Variants in FAM178B observed in about 807,000 individuals in gnomAD.
FAM178B encodes protein FAM178B.
Under a neutral mutation model 91.7 loss-of-function variants are expected in FAM178B, and 82 were observed. That is an observed-to-expected ratio of 0.89 (90% CI 0.75 to 1.07). The LOEUF is 1.07. Ranked by LOEUF, FAM178B falls within the 50% of genes least tolerant of loss-of-function variation. The pLI, the probability that FAM178B is intolerant of heterozygous loss-of-function variation, is 0.00. For missense variants in FAM178B, 769 were observed against 846.7 expected (o/e 0.91, Z 1.14); for synonymous variants, 368 against 359.4 (o/e 1.02, Z -0.27).
At chr2:96,880,394 G>T (rs572262246) in intron 14 of FAM178B, among the ~76,000 whole-genome samples, 1 of 152,254 alleles carries the variant, frequency 6.6e-6, no homozygotes, top group Admixed American at 6.5e-5. Context: ...AGAGTTGTGG[G>T]AACAGGCTGG....
At chr2:96,886,367 T>C (rs2080520457) in intron 14 of FAM178B, among the ~76,000 whole-genome samples, 1 of 152,188 alleles carries the variant, frequency 6.6e-6, no homozygotes, top group African/African-American at 2.4e-5. Context: ...CTGGTTACGA[T>C]TCGAGGGCCG....
At chr2:96,986,207 C>T (rs1365097832) in intron 1 of FAM178B, 34 bp downstream of exon 1, 10 of 1,533,922 alleles carry the variant, frequency 6.5e-6, no homozygotes, top group African/African-American at 5.5e-5. Context: ...GCTAACCACG[C>T]GCCCCTGCGG....
At position 96,912,112 on chromosome 2, in the gene FAM178B, G is replaced by A. The variant is rs551309970; in HGVS notation, c.1562+9053C>T. On this transcript the variant is annotated intron_variant, in intron 12 of 16. Coordinates refer to ENST00000490605, the MANE Select transcript of FAM178B (RefSeq NM_001122646.3). ...AGAGGATGCAGGGAATTTATGCGGG[G>A]AGAGACAAAGGAAACCAGGCTGCCA... Among the ~76,000 whole-genome samples the A allele has an allele frequency of 3.3e-5, 5 of 152,224 alleles. No homozygotes were observed. In the East Asian group the frequency reaches 9.7e-4, roughly 30 times the overall value.
chr2:96,934,332 G>A (rs1175596120), intron 8 of FAM178B, among the ~76,000 whole-genome samples: 1 of 152,212 alleles, frequency 6.6e-6, no homozygotes, highest in Non-Finnish European at 1.5e-5. Context: ...GTTGAGCAAG[G>A]AGCCCAGGGT....
intron 1 of FAM178B, among the ~76,000 whole-genome samples, chr2:96,982,407 C>CGTG (rs1374405910): frequency 6.6e-6 from 1 of 152,014 alleles, no homozygotes. Flanking sequence ...GGACGACAGG[C>CGTG]GTGCACCACC....
At chr2:96,936,887 C>T (rs1004329261) in intron 8 of FAM178B, among the ~76,000 whole-genome samples, 2 of 151,918 alleles carry the variant, frequency 1.3e-5, no homozygotes, top group South Asian at 2.1e-4. Flanking sequence ...ACAGCAGACC[C>T]GGCACTGGAA....
At chr2:96,909,326 T>C (rs1450988854) in intron 12 of FAM178B, among the ~76,000 whole-genome samples, 4 of 152,166 alleles carry the variant, frequency 2.6e-5, no homozygotes, top group African/African-American at 9.6e-5. Context: ...CCAAAGGAAA[T>C]CGTTCCCATA....
chr2:96,951,518 T>C, intron 6 of FAM178B, 34 bp from the exon 7 acceptor site: 1 of 1,499,774 alleles, frequency 6.7e-7, no homozygotes, highest in East Asian at 2.5e-5. Context: ...AGGGGAGGCC[T>C]CTGTGCCAGC....
At chr2:96,962,721 G>T (rs995020432) in intron 5 of FAM178B, among the ~76,000 whole-genome samples, 7 of 152,326 alleles carry the variant, frequency 4.6e-5, no homozygotes, top group Non-Finnish European at 1.0e-4. Context: ...AAGAAATGGA[G>T]AATTGAGGAT....
intron 8 of FAM178B, among the ~76,000 whole-genome samples, chr2:96,937,801 A>G (rs577255637): frequency 6.6e-6 from 1 of 152,310 alleles, no homozygotes; most frequent in South Asian, 2.1e-4. Flanking sequence ...CCAGGCAGGC[A>G]GATCGCTTGA....
At chr2:96,913,902 G>C (rs777837647) in intron 12 of FAM178B, among the ~76,000 whole-genome samples, 2 of 152,208 alleles carry the variant, frequency 1.3e-5, no homozygotes, top group African/African-American at 4.8e-5. Flanking sequence ...CCTGACTCCC[G>C]GCTTCTGTGC....
At chr2:96,939,158 A>G (rs60019075) in intron 8 of FAM178B, 31,253 of 150,968 alleles carry the variant, frequency 0.21, 5,602 homozygotes, top group African/African-American at 0.48. Context: ...AGCCAAGATC[A>G]TGCCACTGCG....
In FAM178B at chr2:96,933,894, G is replaced by A. The variant is rs574734096; in HGVS notation, c.1079-4574C>T. Among the ~76,000 whole-genome samples the A allele has an allele frequency of 3.9e-5, 6 of 152,210 alleles. 1 individual carries two copies. The South Asian group carries it at 6.2e-4, about 16-fold the overall frequency. On this transcript the variant is annotated intron_variant, in intron 8 of 16. Transcript: ENST00000490605. ...CTGAGTCCGATCTTAACTGGAGTGC[G>A]GGGCTCACAATGTTTACGGGAGGCT...
chr2:96,923,812 G>A (rs965816540), intron 9 of FAM178B, among the ~76,000 whole-genome samples: 2 of 152,208 alleles, frequency 1.3e-5, no homozygotes, highest in Admixed American at 6.5e-5. Flanking sequence ...GATGTTGGGT[G>A]GGGCTGCGGT....
intron 13 of FAM178B, among the ~76,000 whole-genome samples, chr2:96,896,117 G>GT (rs1299941936): frequency 6.6e-6 from 1 of 152,308 alleles, no homozygotes; most frequent in East Asian, 1.9e-4. Flanking sequence ...GCAAGCATAG[G>GT]GTCAGGCTCT....
rs560387627 is a variant in FAM178B at position 96,957,148 on chromosome 2, C to T, written c.887+3140G>A. On this transcript the variant is annotated intron_variant, in intron 6 of 16. Coordinates refer to ENST00000490605, the MANE Select transcript of FAM178B (RefSeq NM_001122646.3). ...ATTATAGGCATGAGCCACCATGCCCCGGCTGACTGCTTCTTAAGAGATCCC... is the reference window on the plus strand; with the variant it reads ...ATTATAGGCATGAGCCACCATGCCCTGGCTGACTGCTTCTTAAGAGATCCC... 5.9e-5 allele frequency among the ~76,000 whole-genome samples: 9 copies of T among 152,262 alleles called. No homozygotes were observed. In the South Asian group the frequency reaches 8.3e-4, roughly 14 times the overall value.
rs376378690 is a variant in FAM178B at position 96,932,536 on chromosome 2, C to A, written c.1079-3216G>T. On this transcript the variant is annotated intron_variant, in intron 8 of 16. Coordinates refer to ENST00000490605, the MANE Select transcript of FAM178B (RefSeq NM_001122646.3). ...TTCTGGAGAGCTGACACAGAGGAAA[C>A]TCAGATGTCAGGCTGCCAGGCTCCA... is the stretch of plus-strand genomic sequence containing the variant. Among the ~76,000 whole-genome samples, 46 of 152,336 alleles carry A rather than the reference C, an allele frequency of 3.0e-4. No homozygotes were observed. The East Asian group carries it at 7.9e-3, about 26-fold the overall frequency.
At chr2:96,966,916 A>C (rs759748763) in intron 5 of FAM178B, among the ~76,000 whole-genome samples, 2 of 152,158 alleles carry the variant, frequency 1.3e-5, no homozygotes, top group Non-Finnish European at 2.9e-5. Context: ...TCCAGCCTCC[A>C]TAACTGTGGG....
intron 14 of FAM178B, among the ~76,000 whole-genome samples, chr2:96,886,272 C>T (rs2080518128): frequency 6.6e-6 from 1 of 152,238 alleles, no homozygotes; most frequent in Non-Finnish European, 1.5e-5. Flanking sequence ...GTATCCCAGG[C>T]TGGCCATTCA....
Sources: allele counts gnomAD v4.1 joint callset (sites outside exome capture counted in the v4.1 genomes callset), GRCh38; gene constraint gnomAD v4.1.1; transcripts MANE v1.5; gene names NCBI Gene and HGNC (gene_info 2026-07-23, HGNC 2026-07-21).